Variants in PPFIA2 observed in about 807,000 individuals in gnomAD.
The protein encoded by PPFIA2 is PPFI scaffold protein A2.
A neutral mutation model predicts 175.5 loss-of-function variants in PPFIA2; 46 were observed. The observed-to-expected ratio is 0.26, with a 90% CI of 0.21 to 0.34. The LOEUF (loss-of-function observed/expected upper bound fraction) is 0.34. Among genes scored for constraint, PPFIA2 ranks in the 10% least tolerant of loss-of-function variants. PPFIA2 has a pLI of 1.00. For missense variants in PPFIA2, 1,179 were observed against 1,506.1 expected, an observed-to-expected ratio of 0.78 and a Z score of 3.60; for synonymous variants, 568 against 511.4, an observed-to-expected ratio of 1.11 and a Z score of -1.49.
chr12:81,377,764 A>C (rs1403515636), intron 9 of PPFIA2, among the ~76,000 whole-genome samples: 2 of 151,980 alleles, frequency 1.3e-5, no homozygotes, highest in African/African-American at 4.8e-5. Flanking sequence ...CTCCATCTTC[A>C]GGGTAAAATC....
At chr12:81,456,122 T>C (rs2053532299) in intron 5 of PPFIA2, among the ~76,000 whole-genome samples, 2 of 152,192 alleles carry the variant, frequency 1.3e-5, no homozygotes, top group Non-Finnish European at 2.9e-5. Flanking sequence ...TCAAGGAATG[T>C]AGTCTAAAGT....
intron 4 of PPFIA2, among the ~76,000 whole-genome samples, chr12:81,670,677 C>T (rs2071233780): frequency 6.6e-6 from 1 of 151,854 alleles, no homozygotes; most frequent in African/African-American, 2.4e-5. Flanking sequence ...CTCTCAGGCC[C>T]CTGGAAACTT....
chr12:81,715,261 AT>A (rs2078453815), intron 3 of PPFIA2, among the ~76,000 whole-genome samples: 1 of 151,690 alleles, frequency 6.6e-6, no homozygotes, highest in Admixed American at 6.6e-5. Flanking sequence ...TGAACTGTTT[AT>A]CTTCATTCAC....
chr12:81,326,532 A>T (rs890935189), intron 21 of PPFIA2, among the ~76,000 whole-genome samples: 3 of 152,156 alleles, frequency 2.0e-5, no homozygotes, highest in African/African-American at 7.2e-5. Flanking sequence ...TTTCTTCAAA[A>T]GAGCTTGATA....
chr12:81,358,099 G>C lies in PPFIA2; in HGVS notation c.1756C>G (p.Arg586Gly). ...RRPRRGRMGV[R>G]RDEPKVKSLG... ...AGATTAACCTTTGGCTCATCTCTTC[G>C]CACACCCATGCGGCCTCTCCTTGGT... The change falls in exon 16 of 33, where the codon CGA (arginine) becomes GGA (glycine). Residue 586 changes from arginine (R) to glycine (G), a missense_variant. Coordinates refer to ENST00000549396, the MANE Select transcript of PPFIA2 (RefSeq NM_003625.5). 2 of 1,603,516 alleles carry C rather than the reference G, an allele frequency of 1.2e-6. No homozygotes were observed. Among genetic ancestry groups the C allele is most frequent in the South Asian group, 1.1e-5 (1 of 88,896 alleles).
intron 4 of PPFIA2, among the ~76,000 whole-genome samples, chr12:81,653,831 T>C (rs990269407): frequency 1.2e-4 from 18 of 152,196 alleles, no homozygotes; most frequent in African/African-American, 4.3e-4. Flanking sequence ...CCTTCCTTTC[T>C]TCATCATAGC....
intron 32 of PPFIA2, among the ~76,000 whole-genome samples, chr12:81,261,606 AT>A (rs756307151): frequency 5.3e-5 from 8 of 152,140 alleles, no homozygotes; most frequent in Non-Finnish European, 1.2e-4. Context: ...AAAAGATAGG[AT>A]TTTTTAAAGT....
chr12:81,510,803 T>C (rs924304436), intron 4 of PPFIA2, among the ~76,000 whole-genome samples: 22 of 152,094 alleles, frequency 1.4e-4, no homozygotes, highest in Non-Finnish European at 2.9e-4. Context: ...AAGAAATTGC[T>C]ATTACAAACA....
intron 3 of PPFIA2, among the ~76,000 whole-genome samples, chr12:81,726,940 T>G (rs573800113): frequency 6.6e-6 from 1 of 151,332 alleles, no homozygotes; most frequent in Non-Finnish European, 1.5e-5. Flanking sequence ...TGTCTCTGAT[T>G]GAAGCTACTT....
chr12:81,272,377 T>G (rs2039370028), intron 28 of PPFIA2, among the ~76,000 whole-genome samples: 1 of 152,190 alleles, frequency 6.6e-6, no homozygotes, highest in Admixed American at 6.5e-5. Flanking sequence ...TTTTATATCA[T>G]TCGTCCTTTT....
At chr12:81,449,954 A>G (rs1352515339) in intron 5 of PPFIA2, among the ~76,000 whole-genome samples, 2 of 151,930 alleles carry the variant, frequency 1.3e-5, no homozygotes, top group Non-Finnish European at 1.5e-5. Flanking sequence ...CCATGTCCCT[A>G]CAAAGGACAT....
At chr12:81,435,802 A>G (rs1321388246) in intron 7 of PPFIA2, among the ~76,000 whole-genome samples, 2 of 152,172 alleles carry the variant, frequency 1.3e-5, no homozygotes, top group East Asian at 3.9e-4. Flanking sequence ...GAATTAATTC[A>G]GAAAAAAATG....
chr12:81,720,385 T>C (rs545153231), intron 3 of PPFIA2, among the ~76,000 whole-genome samples: 4 of 151,474 alleles, frequency 2.6e-5, no homozygotes, highest in East Asian at 3.9e-4. Flanking sequence ...CATTCTTGGA[T>C]AGCCAAGAGC....
Position 81,708,663 on chromosome 12 carries a change from C to A in PPFIA2, c.250-31819G>T, listed in dbSNP as rs181531410. On this transcript the variant is annotated intron_variant, in intron 3 of 32. Transcript: ENST00000549396. ...TTAATATAAGAGACTCAGTTTACAA[C>A]CTTCTTCAAATGATTAGGAATAACA... Among the ~76,000 whole-genome samples the A allele has an allele frequency of 3.0e-3, 457 of 152,278 alleles. 4 individuals carry two copies. The highest frequency in any genetic ancestry group is 3.1e-3 in the Non-Finnish European group (214 of 68,026).
At chr12:81,643,377 A>G (rs537742676) in intron 4 of PPFIA2, among the ~76,000 whole-genome samples, 2 of 152,092 alleles carry the variant, frequency 1.3e-5, no homozygotes, top group African/African-American at 4.8e-5. Flanking sequence ...ATCCTGCATA[A>G]TGATTTCTAG....
At chr12:81,332,326 A>C (rs1311052057) in intron 21 of PPFIA2, among the ~76,000 whole-genome samples, 1 of 152,000 alleles carries the variant, frequency 6.6e-6, no homozygotes, top group Non-Finnish European at 1.5e-5. Flanking sequence ...CCCACTTCCT[A>C]TTTAACCACA....
intron 4 of PPFIA2, among the ~76,000 whole-genome samples, chr12:81,661,694 C>T (rs1255342357): frequency 6.6e-6 from 1 of 152,146 alleles, no homozygotes; most frequent in East Asian, 1.9e-4. Context: ...CTGCACCAAG[C>T]AGACCTAATA....
chr12:81,757,719 TAAC>T (rs1011710204), intron 2 of PPFIA2, among the ~76,000 whole-genome samples: 30 of 152,334 alleles, frequency 2.0e-4, no homozygotes, highest in African/African-American at 6.7e-4. Context: ...ATGTGTTCCT[TAAC>T]AATATATGCC....
chr12:81,694,785 G>A (rs1199247533), intron 3 of PPFIA2, among the ~76,000 whole-genome samples: 1 of 152,148 alleles, frequency 6.6e-6, no homozygotes, highest in Non-Finnish European at 1.5e-5. Context: ...GAAGCCACAG[G>A]CATTCAACAA....
Sources: allele counts gnomAD v4.1 joint callset (sites outside exome capture counted in the v4.1 genomes callset), GRCh38; gene constraint gnomAD v4.1.1; transcripts MANE v1.5; gene names NCBI Gene and HGNC (gene_info 2026-07-23, HGNC 2026-07-21).